The following CACNA2D3 variants were observed in gnomAD, a reference collection of about 807,000 sequenced individuals.
CACNA2D3 encodes voltage-dependent calcium channel subunit alpha-2/delta-3.
A neutral mutation model predicts 160.6 loss-of-function variants in CACNA2D3; 60 were observed. The ratio of observed to expected loss-of-function variants is 0.37; its 90% CI spans 0.30 to 0.46. The LOEUF is 0.46. CACNA2D3 is among the 20% of genes least tolerant of loss of function. CACNA2D3 has a pLI of 1.00. For synonymous variants in CACNA2D3, 558 were observed against 492.9 expected, an observed-to-expected ratio of 1.13 and a Z score of -1.75; for missense variants, 1,205 against 1,365.0, an observed-to-expected ratio of 0.88 and a Z score of 1.85.
intron 4 of CACNA2D3, among the ~76,000 whole-genome samples, chr3:54,456,940 GTAA>G (rs1261027868): frequency 6.6e-6 from 1 of 151,506 alleles, no homozygotes; most frequent in African/African-American, 2.4e-5. Context: ...AGTATCAGCT[GTAA>G]TTCTTTTTTT....
At chr3:54,590,723 A>C (rs113278442) in intron 9 of CACNA2D3, among the ~76,000 whole-genome samples, 4,497 of 152,250 alleles carry the variant, frequency 0.03, 93 homozygotes, top group Non-Finnish European at 0.045. Context: ...CTGGGATTAC[A>C]GGCGTGAGCC....
chr3:54,895,186 CA>C (rs1380578413), intron 25 of CACNA2D3, among the ~76,000 whole-genome samples: 5 of 152,118 alleles, frequency 3.3e-5, no homozygotes, highest in African/African-American at 7.2e-5. Flanking sequence ...GGAATTTAAA[CA>C]AATTGAGAAA....
chr3:54,250,458 A>G (rs1221566058), intron 2 of CACNA2D3, among the ~76,000 whole-genome samples: 3 of 152,138 alleles, frequency 2.0e-5, no homozygotes, highest in African/African-American at 2.4e-5. Flanking sequence ...TTAAGGAGCA[A>G]GGTCTTGCTT....
intron 3 of CACNA2D3, among the ~76,000 whole-genome samples, chr3:54,360,933 C>A (rs374781237): frequency 6.6e-6 from 1 of 151,656 alleles, no homozygotes; most frequent in Non-Finnish European, 1.5e-5. Context: ...TTAAAAAATT[C>A]GAAAATGTAG....
chr3:54,525,921 C>A (rs1455637784), intron 5 of CACNA2D3, among the ~76,000 whole-genome samples: 2 of 151,880 alleles, frequency 1.3e-5, no homozygotes, highest in African/African-American at 2.4e-5. Flanking sequence ...CCTTCAATAT[C>A]TTTTTCTGTT....
chr3:54,202,744 A>G (rs1701201732), intron 2 of CACNA2D3, among the ~76,000 whole-genome samples: 1 of 152,214 alleles, frequency 6.6e-6, no homozygotes, highest in Admixed American at 6.5e-5. Flanking sequence ...GACATAGGTA[A>G]GAAGACCATA....
intron 31 of CACNA2D3, among the ~76,000 whole-genome samples, chr3:54,997,616 T>C (rs544559834): frequency 6.1e-4 from 90 of 147,648 alleles, no homozygotes; most frequent in Non-Finnish European, 1.1e-3. Flanking sequence ...GTCCTAGCTA[T>C]CCAGGAGGCT....
chr3:54,225,540 T>C (rs969781584), intron 2 of CACNA2D3, among the ~76,000 whole-genome samples: 1 of 152,248 alleles, frequency 6.6e-6, no homozygotes, highest in African/African-American at 2.4e-5. Flanking sequence ...TGTTGACTTA[T>C]CTTTTAATGC....
intron 9 of CACNA2D3, among the ~76,000 whole-genome samples, chr3:54,608,494 A>G (rs1050311602): frequency 3.9e-5 from 6 of 152,140 alleles, no homozygotes; most frequent in African/African-American, 1.4e-4. Context: ...CGAAAATCAC[A>G]CACACAATAA....
chr3:54,587,727 C>G (rs891443403), intron 9 of CACNA2D3, among the ~76,000 whole-genome samples: 1 of 152,036 alleles, frequency 6.6e-6, no homozygotes, highest in Admixed American at 6.6e-5. Context: ...AAAAATTGAT[C>G]AAATTCTCAA....
chr3:54,512,307 G>A (rs890246688), intron 5 of CACNA2D3, among the ~76,000 whole-genome samples: 1 of 152,206 alleles, frequency 6.6e-6, no homozygotes, highest in African/African-American at 2.4e-5. Context: ...TTGCTTATCT[G>A]TGCAAAGACA....
chr3:54,579,978 G>T (rs1489534416), intron 8 of CACNA2D3, among the ~76,000 whole-genome samples: 3 of 152,188 alleles, frequency 2.0e-5, no homozygotes, highest in Non-Finnish European at 4.4e-5. Flanking sequence ...AAGCCTGACT[G>T]ATGGGGAGAT....
chr3:55,020,266 TATTA>T, intron 35 of CACNA2D3, among the ~76,000 whole-genome samples: 1 of 150,814 alleles, frequency 6.6e-6, no homozygotes, highest in Non-Finnish European at 1.5e-5. Flanking sequence ...GGAATTAGCT[TATTA>T]ATTTCCATGA....
intron 8 of CACNA2D3, among the ~76,000 whole-genome samples, chr3:54,577,224 T>C (rs1464119413): frequency 6.6e-6 from 1 of 152,152 alleles, no homozygotes; most frequent in African/African-American, 2.4e-5. Context: ...TAGGGTAATA[T>C]TCAGTGAGCA....
intron 34 of CACNA2D3, 115 bp from the exon 35 acceptor site, chr3:55,018,091 A>G: frequency 1.5e-6 from 1 of 673,224 alleles, no homozygotes; most frequent in Non-Finnish European, 2.7e-6. Context: ...CTGTGCTAGA[A>G]AAATCACAGA....
intron 4 of CACNA2D3, among the ~76,000 whole-genome samples, chr3:54,408,212 G>T (rs1424353671): frequency 6.6e-6 from 1 of 152,198 alleles, no homozygotes; most frequent in Non-Finnish European, 1.5e-5. Flanking sequence ...ACCTCACCTA[G>T]TTTGGGAGTT....
chr3:54,559,701 C>T (rs888019971), intron 5 of CACNA2D3, among the ~76,000 whole-genome samples: 5 of 152,164 alleles, frequency 3.3e-5, no homozygotes, highest in African/African-American at 1.2e-4. Context: ...GGTATTAAGC[C>T]TAGTACATAT....
chr3:54,973,303 A>G (rs1009572092), intron 29 of CACNA2D3, among the ~76,000 whole-genome samples: 12 of 152,160 alleles, frequency 7.9e-5, no homozygotes, highest in African/African-American at 2.9e-4. Flanking sequence ...GTGTTTCCTC[A>G]CTGCTTTCAG....
chr3:55,053,432 C>G (rs964415156), intron 35 of CACNA2D3, among the ~76,000 whole-genome samples: 1 of 152,118 alleles, frequency 6.6e-6, no homozygotes, highest in South Asian at 2.1e-4. Flanking sequence ...ACTGGGACTT[C>G]TAACCAATGC....
Sources: gnomAD v4.1 joint callset for allele counts (sites outside exome capture counted in the v4.1 genomes callset) on GRCh38, gnomAD v4.1.1 for gene constraint, MANE v1.5 for transcripts, NCBI Gene and HGNC (gene_info 2026-07-23, HGNC 2026-07-21) for gene names.